CASP5: variants seen among roughly 807,000 people sequenced by gnomAD.
CASP5 encodes caspase-5.
In CASP5, 42 loss-of-function variants were observed where a neutral mutation model predicts 45.2. The observed-to-expected ratio is 0.93, with a 90% confidence interval of 0.73 to 1.20. The LOEUF (loss-of-function observed/expected upper bound fraction) is 1.20. Ranked by LOEUF, CASP5 falls within the 50% of genes most tolerant of loss-of-function variation. The pLI is 0.00. For synonymous variants in CASP5, 209 were observed against 186.2 expected, an observed-to-expected ratio of 1.12 and a Z score of -1.00; for missense variants, 512 against 532.2, an observed-to-expected ratio of 0.96 and a Z score of 0.37.
Position 104,995,821 on chromosome 11 carries a change from G to A in CASP5, c.1228C>T (p.Pro410Ser). 1.2e-6 allele frequency: 2 copies of A among 1,611,338 alleles called. No homozygotes were observed. Among genetic ancestry groups the A allele is most frequent in the Non-Finnish European group, 1.7e-6 (2 of 1,177,902 alleles). ...GTGGGCATCTGGGCTTTAGCCTGTG[G>A]AACTTCAAATGATTTCTGTACCTAA... ...FRKVQKSFEVPQAKAQMPTIE... is the reference protein window; with the variant it reads ...FRKVQKSFEVSQAKAQMPTIE... Residue 410 changes from proline to serine, a missense_variant, in exon 9 of 10, where the codon CCA becomes TCA. Transcript: ENST00000260315.
chr11:105,012,264 C>A (rs1862386842), intron 1 of CASP5, among the ~76,000 whole-genome samples: 2 of 151,784 alleles, frequency 1.3e-5, no homozygotes, highest in African/African-American at 4.8e-5. Flanking sequence ...TTATCTGCCA[C>A]CATATACAAA....
In CASP5 at chr11:104,997,497, G is replaced by A; in HGVS notation, c.1097-5C>T. ...GGTCTCTCCAGGACACGTTATCTAT[G>A]ATGATACAGCCTGGTATGCCTTGGG... On this transcript the variant is annotated splice_polypyrimidine_tract_variant and splice_region_variant and intron_variant, in intron 7 of 9. Transcript: ENST00000260315. 1 of 1,583,570 alleles carries A rather than the reference G, an allele frequency of 6.3e-7. No homozygotes were observed. Among genetic ancestry groups the A allele is most frequent in the Non-Finnish European group, 8.7e-7 (1 of 1,153,436 alleles).
chr11:105,016,862 C>G lies in CASP5; in HGVS notation c.7+6268G>C, dbSNP rs531389592. 1.0e-3 allele frequency among the ~76,000 whole-genome samples: 158 copies of G among 151,912 alleles called. 1 individual carries two copies. Among genetic ancestry groups the G allele is most frequent in the Admixed American group, 7.6e-3 (116 of 15,278 alleles). On this transcript the variant is annotated intron_variant, in intron 1 of 9. Coordinates refer to ENST00000260315, the MANE Select transcript of CASP5 (RefSeq NM_004347.5). Reference sequence around the variant, plus strand: ...TCCACCTCTGGGGGCAGGGCACAGACAAACAAAAAGACAGCAGTAACCTCT... The same window carrying G: ...TCCACCTCTGGGGGCAGGGCACAGAGAAACAAAAAGACAGCAGTAACCTCT...
chr11:104,997,506 G>A lies in CASP5; in HGVS notation c.1097-14C>T. On this transcript the variant is annotated splice_polypyrimidine_tract_variant and intron_variant, in intron 7 of 9. Transcript: ENST00000260315. ...AGGACACGTTATCTATGATGATACAGCCTGGTATGCCTTGGGCTACGACTT... is the reference window on the plus strand; with the variant it reads ...AGGACACGTTATCTATGATGATACAACCTGGTATGCCTTGGGCTACGACTT... 2 of 1,513,960 alleles carry A rather than the reference G, an allele frequency of 1.3e-6. No homozygotes were observed. Among genetic ancestry groups the A allele is most frequent in the African/African-American group, 1.4e-5 (1 of 72,746 alleles). 93.8% of individuals were successfully genotyped at this position (1,513,960 alleles called of 1,614,324 possible).
chr11:105,019,184 A>AT (rs1862804449), intron 1 of CASP5, among the ~76,000 whole-genome samples: 1 of 151,222 alleles, frequency 6.6e-6, no homozygotes, highest in Non-Finnish European at 1.5e-5. Flanking sequence ...ATAGCACTAA[A>AT]TGCCCACAAG....
Position 105,023,147 on chromosome 11 carries a change from C to G in CASP5, c.-11G>C, listed in dbSNP as rs1490432365. On this transcript the variant is annotated 5_prime_UTR_variant, in exon 1 of 10. Transcript: ENST00000260315. ...AGACTCACCAGCCATAGCTAACAGC[C>G]TCTGTCTCTTTGTACAGCACTGGAA... 12 of 1,551,030 alleles carry G rather than the reference C, an allele frequency of 7.7e-6. No homozygotes were observed. The East Asian group carries it at 1.2e-4, about 16-fold the overall frequency.
In CASP5 at chr11:105,008,802, C is replaced by T; in HGVS notation, c.181+5G>A. ...AAATATCCATTGTAAAATATCCAGT[C>T]TTACTTTTTACACTGGTCGACTTTT... On this transcript the variant is annotated splice_donor_5th_base_variant and intron_variant, in intron 2 of 9. Transcript: ENST00000260315. The T allele has an allele frequency of 6.3e-7, 1 of 1,593,080 alleles. No homozygotes were observed. Among genetic ancestry groups the T allele is most frequent in the Non-Finnish European group, 8.6e-7 (1 of 1,164,296 alleles).
rs1398261604 is a variant in CASP5, at chr11:105,019,357, G to T, written c.7+3773C>A. ...ACAAAAAACCCTTCAAAAAATTAAT[G>T]AATCCAGGAGCTGGTTTTTTGAAAG... On this transcript the variant is annotated intron_variant, in intron 1 of 9. Coordinates refer to ENST00000260315, the MANE Select transcript of CASP5 (RefSeq NM_004347.5). Among the ~76,000 whole-genome samples the T allele has an allele frequency of 5.4e-5, 8 of 149,402 alleles. No homozygotes were observed. In the East Asian group the frequency reaches 7.8e-4, roughly 14 times the overall value.
At chr11:105,007,049 T>C (rs756711925) in intron 3 of CASP5, 34 bp downstream of exon 3, 12 of 1,574,546 alleles carry the variant, frequency 7.6e-6, no homozygotes, top group East Asian at 4.5e-5. Flanking sequence ...TTCTGGAAAA[T>C]TTAACATATT....
intron 1 of CASP5, among the ~76,000 whole-genome samples, chr11:105,016,494 G>A (rs533050): frequency 0.15 from 23,158 of 152,194 alleles, 2,026 homozygotes; most frequent in Admixed American, 0.25. Context: ...TGCCTCACTC[G>A]GGAAGCGCAA....
chr11:105,015,126 T>A (rs180874085), intron 1 of CASP5, among the ~76,000 whole-genome samples: 1 of 151,680 alleles, frequency 6.6e-6, no homozygotes, highest in Non-Finnish European at 1.5e-5. Context: ...TTGAAGATGT[T>A]TGTTTGCAGA....
intron 6 of CASP5, 42 bp downstream of exon 6, chr11:105,000,219 A>G: frequency 6.3e-7 from 1 of 1,599,128 alleles, no homozygotes; most frequent in Non-Finnish European, 8.6e-7. Flanking sequence ...AATCCTCTGC[A>G]TACACCTTCA....
chr11:105,018,115 T>C (rs2134758446), intron 1 of CASP5, among the ~76,000 whole-genome samples: 1 of 151,710 alleles, frequency 6.6e-6, no homozygotes. Flanking sequence ...CTGAGAGATT[T>C]TGTCACCACC....
chr11:105,001,805 G>T (rs1269496077), intron 5 of CASP5, among the ~76,000 whole-genome samples: 1 of 152,130 alleles, frequency 6.6e-6, no homozygotes, highest in Non-Finnish European at 1.5e-5. Context: ...ATCATATTTT[G>T]TCTAGTTTTA....
Position 105,020,082 on chromosome 11 carries a change from A to G in CASP5, c.7+3048T>C, listed in dbSNP as rs1281170409. Among the ~76,000 whole-genome samples, 4 of 145,774 alleles carry G rather than the reference A, an allele frequency of 2.7e-5. 2 individuals are homozygous for G. The highest frequency in any genetic ancestry group is 6.1e-5 in the Non-Finnish European group (4 of 65,660). On this transcript the variant is annotated intron_variant, in intron 1 of 9. Transcript: ENST00000260315. ...ACGTGATTATCTCAATAGATGCAGA[A>G]AAGTTCTTTGACAAAATTCAACAAC...
In CASP5 at chr11:105,002,126, G is replaced by A. The variant is rs1565382411; in HGVS notation, c.619C>T (p.Pro207Ser). 1 of 1,614,040 alleles carries A rather than the reference G, an allele frequency of 6.2e-7. No homozygotes were observed. Among genetic ancestry groups the A allele is most frequent in the South Asian group, 1.1e-5 (1 of 91,082 alleles). The change falls in exon 5 of 10, where the codon CCT becomes TCT. Residue 207 changes from proline to serine, a missense_variant. Coordinates refer to ENST00000260315, the MANE Select transcript of CASP5 (RefSeq NM_004347.5). ...IICNTKFDHLPARNGAHYDIV... is the reference protein window; with the variant it reads ...IICNTKFDHLSARNGAHYDIV... ...TCATAGTGAGCCCCATTCCTTGCAGGCAGGTGATCAAACTTTGTATTGCAT... is the reference window on the plus strand; with the variant it reads ...TCATAGTGAGCCCCATTCCTTGCAGACAGGTGATCAAACTTTGTATTGCAT...
chr11:105,007,480 T>G (rs78238547), intron 2 of CASP5, 146 bp from the exon 3 acceptor site: 7 of 751,560 alleles, frequency 9.3e-6, no homozygotes, highest in Admixed American at 8.3e-5. Context: ...CATCTTTTTT[T>G]GCAACTGCAG....
rs747739557 is a variant in CASP5, at chr11:105,000,365, G to C, written c.848C>G (p.Pro283Arg). 6.2e-7 allele frequency: 1 copy of C among 1,613,998 alleles called. No homozygotes were observed. The highest frequency in any genetic ancestry group is 1.3e-5 in the African/African-American group (1 of 74,908). Residue 283 changes from proline to arginine, a missense_variant, in exon 6 of 10, where the codon CCG (proline) becomes CGG (arginine). By Grantham distance (103) the Pro-to-Arg change is moderately radical. Transcript: ENST00000260315. ...ICGTAHKKKKPDVLLYDTIFQ... is the reference protein window; with the variant it reads ...ICGTAHKKKKRDVLLYDTIFQ... The stretch of plus-strand genomic sequence containing the variant: ...GATGGTGTCATAAAGCAGCACATCC[G>C]GTTTTTTCTTTTTATGCGCAGTTCC...
At chr11:105,005,015 T>C (rs919653188) in intron 3 of CASP5, among the ~76,000 whole-genome samples, 5 of 152,192 alleles carry the variant, frequency 3.3e-5, no homozygotes, top group Non-Finnish European at 2.9e-5. Context: ...CTATCTTATA[T>C]CCAGTAGTAG....
Sources: gnomAD v4.1 joint callset for allele counts (sites outside exome capture counted in the v4.1 genomes callset) on GRCh38, gnomAD v4.1.1 for gene constraint, MANE v1.5 for transcripts, NCBI Gene and HGNC (gene_info 2026-07-23, HGNC 2026-07-21) for gene names.